The following STXBP5L variants were observed in gnomAD, a reference collection of about 807,000 sequenced individuals.
The protein encoded by STXBP5L is syntaxin binding protein 5L, also known as syntaxin-binding protein 5-like.
Under a neutral mutation model 144.5 loss-of-function variants are expected in STXBP5L, and 65 were observed. The observed-to-expected ratio is 0.45, with a 90% CI of 0.37 to 0.55. STXBP5L has a LOEUF of 0.55. Among genes scored for constraint, STXBP5L ranks in the 20% least tolerant of loss-of-function variants. STXBP5L has a pLI of 0.00. For synonymous variants in STXBP5L, 505 were observed against 469.6 expected (o/e 1.08, Z -0.97); for missense variants, 1,298 against 1,405.5 (o/e 0.92, Z 1.22).
intron 5 of STXBP5L, among the ~76,000 whole-genome samples, chr3:121,054,676 A>G (rs887905705): frequency 3.9e-5 from 6 of 151,976 alleles, no homozygotes; most frequent in Non-Finnish European, 8.8e-5. Flanking sequence ...CCAACATGGC[A>G]TATGTATACA....
intron 9 of STXBP5L, among the ~76,000 whole-genome samples, chr3:121,193,040 A>G (rs879612512): frequency 2.1e-5 from 3 of 143,262 alleles, no homozygotes; most frequent in Non-Finnish European, 4.6e-5. Context: ...TAGGCAACCT[A>G]CAGAATGGGA....
intron 3 of STXBP5L, among the ~76,000 whole-genome samples, chr3:121,015,753 A>C (rs1945100636): frequency 6.6e-6 from 1 of 152,150 alleles, no homozygotes; most frequent in Non-Finnish European, 1.5e-5. Flanking sequence ...AAAAGGCTTT[A>C]CTAGAGCCTT....
chr3:121,010,766 G>C (rs1944713921), intron 3 of STXBP5L, among the ~76,000 whole-genome samples: 1 of 151,782 alleles, frequency 6.6e-6, no homozygotes, highest in Non-Finnish European at 1.5e-5. Context: ...AAAATATTAA[G>C]AAAATCATAA....
intron 20 of STXBP5L, among the ~76,000 whole-genome samples, chr3:121,350,462 T>A (rs2045229791): frequency 6.6e-6 from 1 of 152,108 alleles, no homozygotes; most frequent in African/African-American, 2.4e-5. Flanking sequence ...TCGAGGAGTA[T>A]CTTTGTGGTG....
chr3:121,106,371 A>C (rs569982980), intron 5 of STXBP5L, among the ~76,000 whole-genome samples: 1 of 152,110 alleles, frequency 6.6e-6, no homozygotes, highest in Non-Finnish European at 1.5e-5. Flanking sequence ...TGAGCCCTAC[A>C]TGCATTAGCT....
intron 19 of STXBP5L, among the ~76,000 whole-genome samples, chr3:121,301,519 T>G (rs1002563989): frequency 1.3e-5 from 2 of 152,186 alleles, no homozygotes; most frequent in African/African-American, 4.8e-5. Context: ...CCTCTTTTCC[T>G]AATTGAATGC....
rs189433899 is a variant in STXBP5L at position 121,296,907 on chromosome 3, T to A, written c.2110+16951T>A. On this transcript the variant is annotated intron_variant, in intron 19 of 26. Coordinates refer to ENST00000471454, the MANE Select transcript of STXBP5L (RefSeq NM_001308330.2). ...GCAGGTGGACTGGAAGGCAGAGAAA[T>A]TTATGCAGTCTTAATGTGCTGTATT... Among the ~76,000 whole-genome samples, 14 of 152,310 alleles carry A rather than the reference T, an allele frequency of 9.2e-5. No homozygotes were observed. In the East Asian group the frequency reaches 2.7e-3, roughly 29 times the overall value.
At chr3:121,084,971 T>G (rs2042419740) in intron 5 of STXBP5L, among the ~76,000 whole-genome samples, 1 of 152,062 alleles carries the variant, frequency 6.6e-6, no homozygotes, top group South Asian at 2.1e-4. Context: ...ATCAATGATG[T>G]TGACTTTTTT....
rs1356216062 is a variant in STXBP5L, at chr3:121,254,912, T to C, written c.1459T>C (p.Tyr487His). ...TCTTATAGTAACTCTGCAGATGCTGTACAAGCTAAAAACTTCAAAAGTGTT... is the reference window on the plus strand; with the variant it reads ...TCTTATAGTAACTCTGCAGATGCTGCACAAGCTAAAAACTTCAAAAGTGTT... Reference protein sequence around the residue: ...DASAITLQMLYKLKTSKVFEK... With the variant: ...DASAITLQMLHKLKTSKVFEK... The change falls in exon 16 of 27, where the codon TAC (tyrosine) becomes CAC (histidine). Residue 487 changes from tyrosine to histidine, a missense_variant. Physicochemically the swap from Tyr to His is moderately conservative, Grantham distance 83. Coordinates refer to ENST00000471454, the MANE Select transcript of STXBP5L (RefSeq NM_001308330.2). 5 of 1,612,750 alleles carry C rather than the reference T, an allele frequency of 3.1e-6. No individual in the cohort carries two copies. Among genetic ancestry groups the C allele is most frequent in the Non-Finnish European group, 3.4e-6 (4 of 1,179,334 alleles).
intron 3 of STXBP5L, among the ~76,000 whole-genome samples, chr3:121,032,065 T>C (rs1946409181): frequency 6.6e-6 from 1 of 152,086 alleles, no homozygotes; most frequent in Non-Finnish European, 1.5e-5. Context: ...TTCTGAAATT[T>C]GGGGAAGAAT....
In STXBP5L at chr3:120,992,402, C is replaced by T. The variant is rs1942988876; in HGVS notation, c.287+37365C>T. Among the ~76,000 whole-genome samples, 4 of 152,228 alleles carry T rather than the reference C, an allele frequency of 2.6e-5. No individual in the cohort carries two copies. In the South Asian group the frequency reaches 8.3e-4, roughly 32 times the overall value. ...TATTGAACATTAGACCTCATTCCTTCTATCTAGTTGTATATTTGTACCCAT... is the reference window on the plus strand; with the variant it reads ...TATTGAACATTAGACCTCATTCCTTTTATCTAGTTGTATATTTGTACCCAT... On this transcript the variant is annotated intron_variant, in intron 3 of 26. Transcript: ENST00000471454.
intron 3 of STXBP5L, among the ~76,000 whole-genome samples, chr3:121,041,426 G>A (rs924592422): frequency 6.6e-6 from 1 of 151,976 alleles, no homozygotes; most frequent in African/African-American, 2.4e-5. Context: ...AATGAAATGA[G>A]GTGTATCTAG....
chr3:121,042,618 T>A (rs1253021834), intron 4 of STXBP5L, among the ~76,000 whole-genome samples: 1 of 152,166 alleles, frequency 6.6e-6, no homozygotes, highest in Non-Finnish European at 1.5e-5. Context: ...TATTTGCATA[T>A]ATCTATATCT....
intron 20 of STXBP5L, among the ~76,000 whole-genome samples, chr3:121,367,023 T>A (rs961671873): frequency 2.0e-5 from 3 of 152,212 alleles, no homozygotes; most frequent in African/African-American, 7.2e-5. Context: ...GAAATTCTGA[T>A]ACTTTACAGC....
intron 22 of STXBP5L, 98 bp from the exon 23 acceptor site, chr3:121,407,145 A>T (rs1160151833): frequency 6.4e-6 from 9 of 1,395,820 alleles, no homozygotes; most frequent in Non-Finnish European, 8.6e-6. Context: ...CAATATTATG[A>T]CTCTATAGGT....
At chr3:120,931,583 A>G (rs1032984622) in intron 2 of STXBP5L, among the ~76,000 whole-genome samples, 15 of 152,180 alleles carry the variant, frequency 9.9e-5, no homozygotes, top group African/African-American at 3.6e-4. Flanking sequence ...TAAAAAATCA[A>G]TTTATTACTT....
At chr3:121,353,390 T>G (rs1057360439) in intron 20 of STXBP5L, among the ~76,000 whole-genome samples, 1 of 152,196 alleles carries the variant, frequency 6.6e-6, no homozygotes, top group Non-Finnish European at 1.5e-5. Context: ...GAGATTCAAC[T>G]TTTTCCTGGT....
chr3:121,359,447 T>C (rs11720417), intron 20 of STXBP5L, among the ~76,000 whole-genome samples: 116,243 of 151,972 alleles, frequency 0.76, 44,573 homozygotes, highest in East Asian at 0.93. Flanking sequence ...CTGTGCTGAG[T>C]TTTTTAACTT....
intron 18 of STXBP5L, among the ~76,000 whole-genome samples, chr3:121,279,363 T>A (rs1297395714): frequency 6.6e-6 from 1 of 151,950 alleles, no homozygotes; most frequent in African/African-American, 2.4e-5. Flanking sequence ...TATTTTTCTC[T>A]CTTTCAGAAG....
Sources: allele counts gnomAD v4.1 joint callset (sites outside exome capture counted in the v4.1 genomes callset), GRCh38; gene constraint gnomAD v4.1.1; transcripts MANE v1.5; gene names NCBI Gene and HGNC (gene_info 2026-07-23, HGNC 2026-07-21).